Variants in LRBA observed in about 807,000 individuals in gnomAD.
LRBA encodes LPS responsive beige-like anchor protein, also known as lipopolysaccharide-responsive and beige-like anchor protein.
In LRBA, 176 loss-of-function variants were observed where a neutral mutation model predicts 330.0. That is an observed-to-expected ratio of 0.53 (90% CI 0.47 to 0.60). LRBA has a LOEUF of 0.60. LRBA is among the 20% of genes least tolerant of loss of function. LRBA has a pLI of 0.00. For synonymous variants in LRBA, 1,230 were observed against 1,193.0 expected (o/e 1.03, Z -0.64); for missense variants, 3,259 against 3,444.8 (o/e 0.95, Z 1.35).
intron 35 of LRBA, among the ~76,000 whole-genome samples, chr4:150,757,744 C>A (rs1199493469): frequency 1.3e-5 from 2 of 152,084 alleles, no homozygotes; most frequent in Non-Finnish European, 2.9e-5. Context: ...CTAAAATTTT[C>A]CTTTAAAATA....
intron 35 of LRBA, among the ~76,000 whole-genome samples, chr4:150,751,992 A>G (rs973915249): frequency 1.3e-4 from 20 of 152,154 alleles, no homozygotes; most frequent in African/African-American, 4.8e-4. Flanking sequence ...TTTCACTACT[A>G]AACATGACCA....
At position 150,647,488 on chromosome 4, in the gene LRBA, A is replaced by G. The variant is rs148413519; in HGVS notation, c.5921+36063T>C. ...ATCCTCCTACCTCAGCCTCTGTAGT[A>G]GCAGGGACCACAGGTGCATACCAAC... is the stretch of plus-strand genomic sequence containing the variant. On this transcript the variant is annotated intron_variant, in intron 37 of 56. Transcript: ENST00000651943. 7.4e-3 allele frequency among the ~76,000 whole-genome samples: 1,109 copies of G among 149,216 alleles called. 6 individuals are homozygous for G. Among genetic ancestry groups the G allele is most frequent in the African/African-American group, 0.026 (1,042 of 40,834 alleles).
At chr4:150,919,801 A>G (rs1320561460) in intron 5 of LRBA, among the ~76,000 whole-genome samples, 1 of 152,244 alleles carries the variant, frequency 6.6e-6, no homozygotes, top group Non-Finnish European at 1.5e-5. Context: ...AAACATATTT[A>G]AAACATCTAT....
intron 36 of LRBA, among the ~76,000 whole-genome samples, chr4:150,693,563 CAAA>C (rs70941428): frequency 1.7e-4 from 9 of 52,710 alleles, no homozygotes; most frequent in East Asian, 5.8e-4. Context: ...GACTCCGTCT[CAAA>C]AAAAAAAAAA....
chr4:150,373,172 T>TGTGA (rs1283762385), intron 47 of LRBA, among the ~76,000 whole-genome samples: 1,190 of 97,334 alleles, frequency 0.012, 15 homozygotes, highest in Non-Finnish European at 0.018. Flanking sequence ...TGTGTGTGTG[T>TGTGA]GAGAGAGAGA....
At chr4:150,918,442 T>G (rs1732882388) in intron 5 of LRBA, among the ~76,000 whole-genome samples, 1 of 152,142 alleles carries the variant, frequency 6.6e-6, no homozygotes, top group Admixed American at 6.5e-5. Flanking sequence ...GGATAGCTAC[T>G]AATACAATCA....
At chr4:150,465,037 T>C (rs960078857) in intron 44 of LRBA, among the ~76,000 whole-genome samples, 4 of 152,028 alleles carry the variant, frequency 2.6e-5, no homozygotes, top group Non-Finnish European at 4.4e-5. Flanking sequence ...ACCTATTACA[T>C]GAAACACTAA....
intron 46 of LRBA, among the ~76,000 whole-genome samples, chr4:150,422,463 A>T (rs1326044203): frequency 1.3e-5 from 2 of 152,120 alleles, no homozygotes; most frequent in Non-Finnish European, 2.9e-5. Flanking sequence ...AACAACAACA[A>T]AAAATCTAAC....
At chr4:150,344,019 C>T (rs868072145) in intron 48 of LRBA, among the ~76,000 whole-genome samples, 5 of 152,104 alleles carry the variant, frequency 3.3e-5, no homozygotes, top group Non-Finnish European at 7.4e-5. Context: ...TCTATCTATG[C>T]TCTGGGTTTT....
chr4:150,906,171 T>C, intron 12 of LRBA, 126 bp downstream of exon 12: 4 of 816,340 alleles, frequency 4.9e-6, no homozygotes, highest in Non-Finnish European at 8.0e-6. Flanking sequence ...CAAAATGTTA[T>C]TTTAGTTTAG....
At chr4:150,903,071 A>G (rs1484984871) in intron 13 of LRBA, among the ~76,000 whole-genome samples, 1 of 152,216 alleles carries the variant, frequency 6.6e-6, no homozygotes, top group Admixed American at 6.5e-5. Flanking sequence ...CTAAGAAATT[A>G]TAAGAGTCAT....
In LRBA at chr4:150,891,186, C is replaced by T. The variant is rs150508172; in HGVS notation, c.2165+1866G>A. On this transcript the variant is annotated intron_variant, in intron 17 of 56. Transcript: ENST00000651943. Reference sequence around the variant, plus strand: ...TGGCTATCATACGACCTATCCATTACATTCCTAAGTATGGTATATACTCAA... The same window carrying T: ...TGGCTATCATACGACCTATCCATTATATTCCTAAGTATGGTATATACTCAA... 4.5e-3 allele frequency among the ~76,000 whole-genome samples: 681 copies of T among 152,282 alleles called. 3 individuals are homozygous for T. The highest frequency in any genetic ancestry group is 7.9e-3 in the Non-Finnish European group (534 of 68,012).
At chr4:150,870,497 T>C (rs773589106) in intron 20 of LRBA, 28 bp downstream of exon 20, 3 of 1,261,222 alleles carry the variant, frequency 2.4e-6, no homozygotes, top group Middle Eastern at 1.9e-4. Context: ...CAAAAGGTAG[T>C]TTTTGTTAAA....
chr4:150,437,483 C>A (rs1751265245), intron 44 of LRBA, among the ~76,000 whole-genome samples: 1 of 147,144 alleles, frequency 6.8e-6, no homozygotes, highest in African/African-American at 2.5e-5. Context: ...TAAAAATATG[C>A]CGGCATGAAC....
chr4:150,743,239 G>A (rs1732254670), intron 35 of LRBA, among the ~76,000 whole-genome samples: 1 of 152,118 alleles, frequency 6.6e-6, no homozygotes, highest in Admixed American at 6.5e-5. Flanking sequence ...CAGGGTGCTG[G>A]GATTACAGGC....
chr4:150,639,492 A>G (rs567031459), intron 37 of LRBA, among the ~76,000 whole-genome samples: 2 of 148,740 alleles, frequency 1.3e-5, no homozygotes, highest in South Asian at 4.3e-4. Flanking sequence ...CAACAGATTC[A>G]GAACTGTTCC....
At chr4:150,369,270 T>G (rs1441452918) in intron 47 of LRBA, among the ~76,000 whole-genome samples, 2 of 152,194 alleles carry the variant, frequency 1.3e-5, no homozygotes, top group Non-Finnish European at 2.9e-5. Context: ...CATCATGTTT[T>G]GCAAAATGTT....
At chr4:150,810,735 G>C (rs1359161889) in intron 31 of LRBA, among the ~76,000 whole-genome samples, 1 of 152,084 alleles carries the variant, frequency 6.6e-6, no homozygotes, top group Non-Finnish European at 1.5e-5. Flanking sequence ...CCAAGTAGCT[G>C]GGAATATAGG....
chr4:150,733,318 A>T (rs1388437892), intron 36 of LRBA, among the ~76,000 whole-genome samples: 1 of 152,072 alleles, frequency 6.6e-6, no homozygotes, highest in Non-Finnish European at 1.5e-5. Context: ...TAACTGTACC[A>T]GATTAAGACA....
Sources: allele counts gnomAD v4.1 joint callset (sites outside exome capture counted in the v4.1 genomes callset), GRCh38; gene constraint gnomAD v4.1.1; transcripts MANE v1.5; gene names NCBI Gene and HGNC (gene_info 2026-07-23, HGNC 2026-07-21).